Variants in MCTP1 observed in about 807,000 individuals in gnomAD.
MCTP1 encodes multiple C2 and transmembrane domain containing 1.
MCTP1 carries 69 observed loss-of-function variants against 120.6 expected under a neutral mutation model. The observed-to-expected ratio is 0.57, with a 90% confidence interval of 0.47 to 0.70. The LOEUF (loss-of-function observed/expected upper bound fraction) is 0.70, where lower values mean the gene tolerates loss of function less well. MCTP1 is among the 30% of genes least tolerant of loss of function. The pLI is 0.00. For missense variants in MCTP1, 1,203 were observed against 1,248.8 expected, an observed-to-expected ratio of 0.96 and a Z score of 0.55; for synonymous variants, 529 against 493.1, an observed-to-expected ratio of 1.07 and a Z score of -0.96.
intron 1 of MCTP1, among the ~76,000 whole-genome samples, chr5:95,247,342 G>A (rs1298635725): frequency 6.6e-6 from 1 of 152,042 alleles, no homozygotes; most frequent in South Asian, 2.1e-4. Context: ...CAAAAAACCA[G>A]CTCCTGGATT....
intron 1 of MCTP1, among the ~76,000 whole-genome samples, chr5:95,239,933 T>C (rs1755975666): frequency 6.6e-6 from 1 of 152,242 alleles, no homozygotes. Flanking sequence ...CACATTTTTA[T>C]CCAATTTTTC....
chr5:94,822,551 T>C (rs1785921965), intron 17 of MCTP1, among the ~76,000 whole-genome samples: 1 of 152,192 alleles, frequency 6.6e-6, no homozygotes, highest in Non-Finnish European at 1.5e-5. Context: ...GTAGAATGAT[T>C]TATAATCCTT....
Position 94,704,606 on chromosome 5 carries a change from G to A in MCTP1, c.*2890C>T, listed in dbSNP as rs1476509322. 1.3e-5 allele frequency: 2 copies of A among 151,196 alleles called. No individual in the cohort carries two copies. The highest frequency in any genetic ancestry group is 3.0e-5 in the Non-Finnish European group (2 of 67,552). 9.4% of individuals were successfully genotyped at this position (151,196 alleles called of 1,614,324 possible). ...TTTTATAAAAGATAATTTTAGAAAT[G>A]TATCAATTAAATTTGGCTCTCACTG... On this transcript the variant is annotated 3_prime_UTR_variant, in exon 23 of 23. Transcript: ENST00000515393.
At chr5:95,093,513 T>C (rs1247285660) in intron 1 of MCTP1, among the ~76,000 whole-genome samples, 1 of 152,126 alleles carries the variant, frequency 6.6e-6, no homozygotes, top group Non-Finnish European at 1.5e-5. Context: ...GTACCCAAAT[T>C]ACTGCATTTG....
At chr5:94,838,107 C>A (rs1367098933) in intron 17 of MCTP1, among the ~76,000 whole-genome samples, 1 of 152,144 alleles carries the variant, frequency 6.6e-6, no homozygotes, top group Non-Finnish European at 1.5e-5. Context: ...ACTAAATCAA[C>A]CTAAAATTAT....
intron 1 of MCTP1, among the ~76,000 whole-genome samples, chr5:95,145,972 C>T (rs998414234): frequency 6.6e-5 from 10 of 152,044 alleles, no homozygotes; most frequent in Non-Finnish European, 1.5e-4. Flanking sequence ...GGTTCCAGTT[C>T]TTCTTTGTAT....
chr5:94,836,238 T>G (rs944876089), intron 17 of MCTP1, among the ~76,000 whole-genome samples: 9 of 137,690 alleles, frequency 6.5e-5, no homozygotes, highest in African/African-American at 2.4e-4. Flanking sequence ...AACTGGATTG[T>G]GGGAAGAAGT....
At chr5:94,878,579 A>G (rs1335123217) in intron 12 of MCTP1, among the ~76,000 whole-genome samples, 2 of 152,056 alleles carry the variant, frequency 1.3e-5, no homozygotes. Context: ...CTGACACACA[A>G]TTTCAAATTT....
intron 1 of MCTP1, among the ~76,000 whole-genome samples, chr5:95,177,841 GAAGTT>G (rs1398965835): frequency 2.0e-5 from 3 of 152,176 alleles, no homozygotes; most frequent in Non-Finnish European, 2.9e-5. Flanking sequence ...AAAACAGGAG[GAAGTT>G]AAGTACTATA....
chr5:94,790,170 C>G (rs1371132300), intron 18 of MCTP1, among the ~76,000 whole-genome samples: 1 of 152,166 alleles, frequency 6.6e-6, no homozygotes, highest in Admixed American at 6.5e-5. Flanking sequence ...TAGGAGTGCT[C>G]TGATGAGAGG....
At chr5:94,814,277 G>A (rs1317965433) in intron 17 of MCTP1, among the ~76,000 whole-genome samples, 1 of 152,140 alleles carries the variant, frequency 6.6e-6, no homozygotes, top group Non-Finnish European at 1.5e-5. Flanking sequence ...TTTTGTGGGG[G>A]TAAATTCCAA....
At chr5:94,951,358 C>A (rs1820528929) in intron 3 of MCTP1, among the ~76,000 whole-genome samples, 1 of 152,130 alleles carries the variant, frequency 6.6e-6, no homozygotes, top group South Asian at 2.1e-4. Context: ...AGCACCTGAC[C>A]AATATCTAAT....
chr5:94,798,436 A>C (rs145663129), intron 18 of MCTP1, among the ~76,000 whole-genome samples: 110 of 152,294 alleles, frequency 7.2e-4, no homozygotes, highest in African/African-American at 2.5e-3. Flanking sequence ...TAGATTTAGT[A>C]TAACTTTCCC....
intron 1 of MCTP1, among the ~76,000 whole-genome samples, chr5:95,108,712 T>C (rs1396171533): frequency 4.6e-5 from 7 of 152,238 alleles, no homozygotes; most frequent in African/African-American, 1.7e-4. Flanking sequence ...CTGTCACTTA[T>C]GTGTCGTAAT....
At chr5:94,819,478 C>G (rs2153096787) in intron 17 of MCTP1, among the ~76,000 whole-genome samples, 1 of 152,200 alleles carries the variant, frequency 6.6e-6, no homozygotes, top group East Asian at 1.9e-4. Context: ...CTTCCCTTAG[C>G]ACTCTTCAGC....
intron 1 of MCTP1, among the ~76,000 whole-genome samples, chr5:95,269,722 C>A (rs1463424825): frequency 1.3e-5 from 2 of 152,194 alleles, no homozygotes; most frequent in Non-Finnish European, 2.9e-5. Context: ...GAAATTATGG[C>A]CTTGGTAGCA....
chr5:94,971,407 A>G (rs1826839292), intron 2 of MCTP1, among the ~76,000 whole-genome samples: 1 of 152,182 alleles, frequency 6.6e-6, no homozygotes, highest in Admixed American at 6.6e-5. Flanking sequence ...AAGTGTGTCT[A>G]GGAAATTATC....
chr5:94,827,155 G>A (rs1787326854), intron 17 of MCTP1, among the ~76,000 whole-genome samples: 1 of 152,128 alleles, frequency 6.6e-6, no homozygotes, highest in Non-Finnish European at 1.5e-5. Flanking sequence ...CTCATGTAAG[G>A]CAGACCTGGT....
intron 1 of MCTP1, among the ~76,000 whole-genome samples, chr5:95,237,953 T>G (rs10064420): frequency 0.14 from 22,036 of 152,042 alleles, 1,818 homozygotes; most frequent in Non-Finnish European, 0.19. Flanking sequence ...GCTGGGCCAA[T>G]CTGCAAACCA....
Sources: gnomAD v4.1 joint callset for allele counts (sites outside exome capture counted in the v4.1 genomes callset) on GRCh38, gnomAD v4.1.1 for gene constraint, MANE v1.5 for transcripts, NCBI Gene and HGNC (gene_info 2026-07-23, HGNC 2026-07-21) for gene names.